PLEKHA5: variants seen among roughly 807,000 people sequenced by gnomAD.
PLEKHA5 encodes pleckstrin homology domain containing A5.
A neutral mutation model predicts 181.9 loss-of-function variants in PLEKHA5; 55 were observed. The ratio of observed to expected loss-of-function variants is 0.30; its 90% CI spans 0.24 to 0.38. The LOEUF (loss-of-function observed/expected upper bound fraction) is 0.38, where lower values mean the gene tolerates loss of function less well. PLEKHA5 is among the 10% of genes least tolerant of loss of function. The pLI is 1.00. For missense variants in PLEKHA5, 1,432 were observed against 1,549.5 expected, an observed-to-expected ratio of 0.92 and a Z score of 1.27; for synonymous variants, 535 against 529.4, an observed-to-expected ratio of 1.01 and a Z score of -0.15.
At chr12:19,188,544 A>T (rs1238345551) in intron 3 of PLEKHA5, among the ~76,000 whole-genome samples, 2 of 152,196 alleles carry the variant, frequency 1.3e-5, no homozygotes, top group Non-Finnish European at 2.9e-5. Flanking sequence ...ATTAGAAATG[A>T]TGTTTCTGGT....
At chr12:19,258,805 A>G (rs1315918182) in intron 6 of PLEKHA5, among the ~76,000 whole-genome samples, 1 of 151,726 alleles carries the variant, frequency 6.6e-6, no homozygotes, top group Non-Finnish European at 1.5e-5. Context: ...TCCTCAAATG[A>G]CCACCCACCT....
chr12:19,252,984 C>A (rs1481450315), intron 3 of PLEKHA5, among the ~76,000 whole-genome samples: 4 of 150,448 alleles, frequency 2.7e-5, no homozygotes, highest in Non-Finnish European at 4.4e-5. Context: ...CTTTTCATGA[C>A]CCACCTATGA....
chr12:19,185,536 C>CA (rs2049633879), intron 3 of PLEKHA5, among the ~76,000 whole-genome samples: 2 of 152,132 alleles, frequency 1.3e-5, no homozygotes, highest in Admixed American at 1.3e-4. Flanking sequence ...AGGTAAAGAA[C>CA]GGAGACAGAT....
chr12:19,284,257 T>G (rs1451685355), intron 12 of PLEKHA5, among the ~76,000 whole-genome samples: 1 of 152,102 alleles, frequency 6.6e-6, no homozygotes, highest in Non-Finnish European at 1.5e-5. Flanking sequence ...TTAGTAGAGA[T>G]GTGGTTTCAC....
At chr12:19,219,535 C>A (rs1209664537) in intron 3 of PLEKHA5, among the ~76,000 whole-genome samples, 1 of 135,610 alleles carries the variant, frequency 7.4e-6, no homozygotes, top group South Asian at 2.3e-4. Context: ...TTTTTAAGTT[C>A]TTCCCTTGAA....
intron 20 of PLEKHA5, among the ~76,000 whole-genome samples, chr12:19,324,060 A>G (rs1321542051): frequency 2.0e-5 from 3 of 152,192 alleles, no homozygotes; most frequent in Non-Finnish European, 4.4e-5. Flanking sequence ...CTGCCATGTT[A>G]TATAAAACTG....
At chr12:19,345,181 C>A (rs978892522) in intron 22 of PLEKHA5, among the ~76,000 whole-genome samples, 8 of 151,868 alleles carry the variant, frequency 5.3e-5, no homozygotes, top group Non-Finnish European at 1.0e-4. Context: ...GGGCAGATCA[C>A]CTGAGGTCAG....
chr12:19,198,377 A>G (rs1236940094), intron 3 of PLEKHA5, among the ~76,000 whole-genome samples: 1 of 151,984 alleles, frequency 6.6e-6, no homozygotes, highest in Admixed American at 6.6e-5. Context: ...CACTCTCTCT[A>G]TCCGGATTTC....
At chr12:19,275,011 C>A in intron 11 of PLEKHA5, 28 bp downstream of exon 11, 1 of 1,486,718 alleles carries the variant, frequency 6.7e-7, no homozygotes, top group Non-Finnish European at 9.2e-7. Flanking sequence ...CATTATGAAC[C>A]CAGGTTTCTT....
At chr12:19,372,398 T>TTG (rs1555175703) in intron 31 of PLEKHA5, 5 of 151,490 alleles carry the variant, frequency 3.3e-5, no homozygotes, top group Admixed American at 1.3e-4. Context: ...ATTATTTGTT[T>TTG]TTGTTTTTTT....
At chr12:19,319,366 T>C (rs1393789698) in intron 16 of PLEKHA5, among the ~76,000 whole-genome samples, 1 of 152,172 alleles carries the variant, frequency 6.6e-6, no homozygotes, top group Admixed American at 6.6e-5. Context: ...TTTGGAATGC[T>C]TATATTTTTA....
intron 15 of PLEKHA5, among the ~76,000 whole-genome samples, chr12:19,306,078 T>TA (rs879413192): frequency 3.4e-4 from 49 of 146,128 alleles, no homozygotes; most frequent in East Asian, 3.9e-4. Context: ...ATACTCCGTC[T>TA]AAAAAAAAAA....
At chr12:19,271,197 T>G (rs1158016785) in intron 10 of PLEKHA5, among the ~76,000 whole-genome samples, 1 of 152,126 alleles carries the variant, frequency 6.6e-6, no homozygotes, top group Non-Finnish European at 1.5e-5. Context: ...AGAGAAAATG[T>G]GTAGGTGAAG....
intron 3 of PLEKHA5, among the ~76,000 whole-genome samples, chr12:19,169,918 C>T (rs577628045): frequency 3.3e-5 from 5 of 152,214 alleles, no homozygotes; most frequent in Non-Finnish European, 5.9e-5. Flanking sequence ...TTCTGATTCC[C>T]GACTCAATGG....
At chr12:19,260,866 A>G in intron 6 of PLEKHA5, 83 bp from the exon 7 acceptor site, 5 of 868,278 alleles carry the variant, frequency 5.8e-6, no homozygotes, top group Non-Finnish European at 7.0e-6. Flanking sequence ...ATCTCAAAAA[A>G]ATAAAAATAA....
At chr12:19,145,932 T>C (rs2038813299) in intron 3 of PLEKHA5, among the ~76,000 whole-genome samples, 1 of 152,176 alleles carries the variant, frequency 6.6e-6, no homozygotes, top group South Asian at 2.1e-4. Flanking sequence ...AATAATACTT[T>C]TTAATAAGTC....
intron 26 of PLEKHA5, among the ~76,000 whole-genome samples, chr12:19,356,993 T>C (rs1300394121): frequency 1.3e-5 from 2 of 148,386 alleles, no homozygotes; most frequent in Non-Finnish European, 3.0e-5. Flanking sequence ...TTATAGAAAA[T>C]AAGTGTTTTC....
At chr12:19,136,336 T>C (rs111762028) in intron 3 of PLEKHA5, among the ~76,000 whole-genome samples, 4,129 of 151,964 alleles carry the variant, frequency 0.027, 183 homozygotes, top group African/African-American at 0.093. Flanking sequence ...AATTTTCATA[T>C]TGTTTTTATA....
At chr12:19,285,510 G>T (rs961789734) in intron 12 of PLEKHA5, among the ~76,000 whole-genome samples, 36 of 152,202 alleles carry the variant, frequency 2.4e-4, no homozygotes, top group African/African-American at 6.3e-4. Flanking sequence ...CCCCTGTGGG[G>T]GTTCCCTCCC....
Sources: gnomAD v4.1 joint callset for allele counts (sites outside exome capture counted in the v4.1 genomes callset) on GRCh38, gnomAD v4.1.1 for gene constraint, MANE v1.5 for transcripts, NCBI Gene and HGNC (gene_info 2026-07-23, HGNC 2026-07-21) for gene names.